Variants in NIP7 observed in about 807,000 individuals in gnomAD.
The protein encoded by NIP7 is nucleolar pre-rRNA processing protein NIP7, also known as 60S ribosome subunit biogenesis protein NIP7 homolog.
NIP7 carries 12 observed loss-of-function variants against 20.1 expected under a neutral mutation model. That is an observed-to-expected ratio of 0.60 (90% CI 0.38 to 0.97). The LOEUF is 0.97. Ranked by LOEUF, NIP7 falls within the 50% of genes least tolerant of loss-of-function variation. The pLI, the probability that NIP7 is intolerant of heterozygous loss-of-function variation, is 0.00. For synonymous variants in NIP7, 103 were observed against 87.2 expected (o/e 1.18, Z -1.01); for missense variants, 226 against 226.6 (o/e 1.00, Z 0.02).
In NIP7 at chr16:69,341,199, C is replaced by G; in HGVS notation, c.302C>G (p.Pro101Arg). The stretch of plus-strand genomic sequence containing the variant: ...TTATAGTATAAAGTTTGGATAAAGC[C>G]TGGTGCAGAGCAGTCCTTCCTGTAT... ...PYAKYKVWIK[P>R]GAEQSFLYGN... The change falls in exon 4 of 5, where the codon CCT (proline) becomes CGT (arginine). Residue 101 changes from proline to arginine, a missense_variant. Coordinates refer to ENST00000254940, the MANE Select transcript of NIP7 (RefSeq NM_016101.5). The G allele has an allele frequency of 6.2e-7, 1 of 1,613,768 alleles. No individual in the cohort carries two copies. The highest frequency in any genetic ancestry group is 8.5e-7 in the Non-Finnish European group (1 of 1,179,840).
At position 69,342,491 on chromosome 16, in the gene NIP7, G is replaced by C. The variant is rs1284241901; in HGVS notation, c.*839G>C. The C allele has an allele frequency of 6.6e-6, 1 of 152,120 alleles. No homozygotes were observed. Among genetic ancestry groups the C allele is most frequent in the Non-Finnish European group, 1.5e-5 (1 of 68,044 alleles). 9.4% of individuals were successfully genotyped at this position (152,120 alleles called of 1,614,324 possible). A position where few individuals can be genotyped will look rare whatever the true frequency, so the allele number is the denominator to read the frequency against. ...TGGCTGTGGTCCTAGTTACTTGGGA[G>C]GCTGAGGCAGGAGAATGGCTTGAAC... On this transcript the variant is annotated 3_prime_UTR_variant, in exon 5 of 5. Transcript: ENST00000254940.
At chr16:69,340,733 C>T (rs1015919323) in intron 3 of NIP7, 1 of 207,744 alleles carries the variant, frequency 4.8e-6, no homozygotes, top group African/African-American at 2.3e-5. Context: ...TTCTCTTTCT[C>T]TTTCTTCCTG....
At chr16:69,340,737 C>T (rs893142961) in intron 3 of NIP7, 2 of 206,318 alleles carry the variant, frequency 9.7e-6, no homozygotes, top group Admixed American at 5.2e-5. Flanking sequence ...CTTTCTCTTT[C>T]TTCCTGACAC....
chr16:69,340,518 C>G (rs1305989273), intron 3 of NIP7, 186 bp downstream of exon 3: 2 of 724,592 alleles, frequency 2.8e-6, no homozygotes, highest in South Asian at 2.0e-5. Context: ...TATGTGGCTG[C>G]GTAGGGTTAG....
rs1439197584 is a variant in NIP7 at position 69,340,270 on chromosome 16, A to C, written c.220A>C (p.Thr74Pro). 3.1e-6 allele frequency: 5 copies of C among 1,613,986 alleles called. No homozygotes were observed. Among genetic ancestry groups the C allele is most frequent in the Non-Finnish European group, 4.2e-6 (5 of 1,180,046 alleles). ...GCTGGGGACCTGCTTTGGAAAATTCACTAAAACCCACAAGTTTCGGTTGCA... is the reference window on the plus strand; with the variant it reads ...GCTGGGGACCTGCTTTGGAAAATTCCCTAAAACCCACAAGTTTCGGTTGCA... Reference protein sequence around the residue: ...VSLGTCFGKFTKTHKFRLHVT... With the variant: ...VSLGTCFGKFPKTHKFRLHVT... The change falls in exon 3 of 5, where the codon ACT becomes CCT. Residue 74 changes from threonine to proline, a missense_variant. Transcript: ENST00000254940.
chr16:69,341,483 G>C, intron 4 of NIP7, 50 bp from the exon 5 acceptor site: 4 of 1,604,690 alleles, frequency 2.5e-6, no homozygotes, highest in Non-Finnish European at 3.4e-6. Flanking sequence ...CCTCAATATG[G>C]GCATATTGAA....
Position 69,341,141 on chromosome 16 carries a change from T to TA in NIP7, c.283-37dup, listed in dbSNP as rs774423103. 1.9e-6 allele frequency: 3 copies of TA among 1,574,954 alleles called. No homozygotes were observed. The South Asian group carries it at 3.4e-5, about 18-fold the overall frequency. On this transcript the variant is annotated intron_variant, in intron 3 of 4. Coordinates refer to ENST00000254940, the MANE Select transcript of NIP7 (RefSeq NM_016101.5). ...AGCTTGTCTGCATGGATAGAAATAG[T>TA]AACGTTTTTATGTCTCTTGGATTTT...
intron 3 of NIP7, chr16:69,340,815 T>G (rs557380981): frequency 1.0e-4 from 23 of 224,896 alleles, no homozygotes; most frequent in Middle Eastern, 3.5e-3. Context: ...CTTTCCAGTT[T>G]CCAGTGATTC....
chr16:69,340,163 C>T lies in NIP7; in HGVS notation c.144-31C>T, dbSNP rs761213038. The T allele has an allele frequency of 1.9e-6, 3 of 1,613,422 alleles. No individual in the cohort carries two copies. In the South Asian group the frequency reaches 3.3e-5, roughly 18 times the overall value. On this transcript the variant is annotated intron_variant, in intron 2 of 4. Coordinates refer to ENST00000254940, the MANE Select transcript of NIP7 (RefSeq NM_016101.5). ...CCTGGGTCCCACGAGCCTCCTTCAT[C>T]CGCAACCTTGCTCCCCCTTTACCCT...
rs977585082 is a variant in NIP7 at position 69,339,813 on chromosome 16, C to G, written c.-17C>G. 1.9e-6 allele frequency: 3 copies of G among 1,612,274 alleles called. No homozygotes were observed. Among genetic ancestry groups the G allele is most frequent in the Middle Eastern group, 2.1e-4 (1 of 4,670 alleles). On this transcript the variant is annotated 5_prime_UTR_variant, in exon 1 of 5. Transcript: ENST00000254940. ...TACCAAGGCACGAGGATCCGGTGTT[C>G]CAACCCAGGGGGAAAAATGCGGCCT...
Position 69,340,315 on chromosome 16 carries a change from C to T in NIP7, c.265C>T (p.Leu89Phe), listed in dbSNP as rs766277762. Residue 89 changes from leucine to phenylalanine, a missense_variant, in exon 3 of 5, where the codon CTT becomes TTT. Leu to Phe is a conservative substitution (Grantham distance 22). Transcript: ENST00000254940. ...GTTGCACGTCACAGCTCTGGATTAC[C>T]TTGCACCTTATGCCAAGGTTTGTGG... ...FRLHVTALDY[L>F]APYAKYKVWI... The T allele has an allele frequency of 2.5e-6, 4 of 1,613,218 alleles. No homozygotes were observed. The highest frequency in any genetic ancestry group is 1.3e-5 in the African/African-American group (1 of 75,054).
chr16:69,340,357 G>C, intron 3 of NIP7, 25 bp downstream of exon 3: 1 of 1,604,940 alleles, frequency 6.2e-7, no homozygotes. Context: ...TTCCAATTCT[G>C]CCACGGGCGA....
rs561878471 is a variant in NIP7, at chr16:69,339,833, C to T, written c.4C>T (p.Arg2Trp). Residue 2 changes from arginine (R) to tryptophan (W), a missense_variant, in exon 1 of 5, where the codon CGG (arginine) becomes TGG (tryptophan). Physicochemically the swap from Arg to Trp is moderately radical, Grantham distance 101 (BLOSUM62 -3). Transcript: ENST00000254940. ...GTGTTCCAACCCAGGGGGAAAAATG[C>T]GGCCTTTGACTGAAGAGGAGACCCG... M[R>W]PLTEEETRVM... The T allele has an allele frequency of 6.2e-7, 1 of 1,612,874 alleles. No individual in the cohort carries two copies. Among genetic ancestry groups the T allele is most frequent in the Non-Finnish European group, 8.5e-7 (1 of 1,180,026 alleles).
rs772146261 is a variant in NIP7 at position 69,341,183 on chromosome 16, A to G, written c.286A>G (p.Lys96Glu). 2 of 1,613,092 alleles carry G rather than the reference A, an allele frequency of 1.2e-6. No homozygotes were observed. The highest frequency in any genetic ancestry group is 1.7e-6 in the Non-Finnish European group (2 of 1,179,498). Residue 96 changes from lysine (K) to glutamate (E), a missense_variant, in exon 4 of 5, where the codon AAA becomes GAA. Physicochemically the swap from Lys to Glu is moderately conservative, Grantham distance 56. Coordinates refer to ENST00000254940, the MANE Select transcript of NIP7 (RefSeq NM_016101.5). ...TTGGATTTTAATTCTCTTATAGTAT[A>G]AAGTTTGGATAAAGCCTGGTGCAGA... ...LDYLAPYAKYKVWIKPGAEQS... is the reference protein window; with the variant it reads ...LDYLAPYAKYEVWIKPGAEQS...
Position 69,341,537 on chromosome 16 carries a change from T to G in NIP7, c.428T>G (p.Phe143Cys), listed in dbSNP as rs1227492787. 6.8e-6 allele frequency: 11 copies of G among 1,614,024 alleles called. No individual in the cohort carries two copies. Among genetic ancestry groups the G allele is most frequent in the African/African-American group, 1.3e-5 (1 of 74,924 alleles). Reference protein sequence around the residue: ...VYSMADIPLGFGVAAKSTQDC... With the variant: ...VYSMADIPLGCGVAAKSTQDC... ...GTCTCTTCTTTTGAATCCCAGGGTTTTGGGGTGGCAGCCAAATCTACACAA... is the reference window on the plus strand; with the variant it reads ...GTCTCTTCTTTTGAATCCCAGGGTTGTGGGGTGGCAGCCAAATCTACACAA... Residue 143 changes from phenylalanine (F) to cysteine (C), a missense_variant, in exon 5 of 5, where the codon TTT (phenylalanine) becomes TGT (cysteine). Transcript: ENST00000254940.
Position 69,341,891 on chromosome 16 carries a change from A to G in NIP7, c.*239A>G, listed in dbSNP as rs745395703. 1.3e-4 allele frequency: 49 copies of G among 368,232 alleles called. No individual in the cohort carries two copies. Among genetic ancestry groups the G allele is most frequent in the Non-Finnish European group, 2.1e-4 (43 of 204,050 alleles). The allele number at this position is 368,232 out of a possible 1,614,324, so 22.8% of individuals were successfully genotyped here. A position where few individuals can be genotyped will look rare whatever the true frequency, so the allele number is the denominator to read the frequency against. On this transcript the variant is annotated 3_prime_UTR_variant, in exon 5 of 5. Transcript: ENST00000254940. ...AAATAGAATACTGTTTCATATTTGA[A>G]TCAGAGGGCTTCTTGTTCTGAGAAA... is the stretch of plus-strand genomic sequence containing the variant.
intron 3 of NIP7, chr16:69,340,932 C>G: frequency 2.8e-6 from 1 of 360,180 alleles, no homozygotes; most frequent in South Asian, 2.9e-5. Flanking sequence ...AGGCTGGTCT[C>G]GAACTCCTGG....
At position 69,342,894 on chromosome 16, in the gene NIP7, A is replaced by G. The variant is rs1246477104; in HGVS notation, c.*1242A>G. The G allele has an allele frequency of 6.5e-6, 1 of 152,810 alleles. No individual in the cohort carries two copies. Among genetic ancestry groups the G allele is most frequent in the Non-Finnish European group, 1.5e-5 (1 of 68,396 alleles). The allele number at this position is 152,810 out of a possible 1,614,324, so 9.5% of individuals were successfully genotyped here. A position where few individuals can be genotyped will look rare whatever the true frequency, so the allele number is the denominator to read the frequency against. ...AAAAGCACTGATCAGAGGCCACGAC[A>G]TAAAAATTCAGTCCCTTTGTCCTTC... On this transcript the variant is annotated 3_prime_UTR_variant, in exon 5 of 5. Transcript: ENST00000254940.
intron 4 of NIP7, 56 bp downstream of exon 4, chr16:69,341,376 T>C (rs2012545476): frequency 1.3e-6 from 2 of 1,595,128 alleles, no homozygotes; most frequent in African/African-American, 1.3e-5. Context: ...AAGAAGGGTA[T>C]GTCTTCAATC....
Sources: gnomAD v4.1 joint callset for allele counts on GRCh38, gnomAD v4.1.1 for gene constraint, MANE v1.5 for transcripts, NCBI Gene and HGNC (gene_info 2026-07-23, HGNC 2026-07-21) for gene names.